The following PRKCH variants were observed in gnomAD, a reference collection of about 807,000 sequenced individuals.
The protein encoded by PRKCH is protein kinase C eta.
PRKCH carries 28 observed loss-of-function variants against 82.5 expected under a neutral mutation model. The observed-to-expected ratio is 0.34, with a 90% CI of 0.25 to 0.47. The LOEUF (loss-of-function observed/expected upper bound fraction) is 0.47, where lower values mean the gene tolerates loss of function less well. Among genes scored for constraint, PRKCH ranks in the 20% least tolerant of loss-of-function variants. The pLI is 1.00. For missense variants in PRKCH, 705 were observed against 881.8 expected, an observed-to-expected ratio of 0.80 and a Z score of 2.54; for synonymous variants, 322 against 327.4, an observed-to-expected ratio of 0.98 and a Z score of 0.18.
At chr14:61,473,439 C>T (rs933530963) in intron 9 of PRKCH, among the ~76,000 whole-genome samples, 11 of 152,134 alleles carry the variant, frequency 7.2e-5, no homozygotes, top group African/African-American at 7.2e-5. Flanking sequence ...ATGCTGGGCC[C>T]GTGATCTGGG....
chr14:61,375,492 T>A (rs1159729877), intron 1 of PRKCH, among the ~76,000 whole-genome samples: 1 of 152,012 alleles, frequency 6.6e-6, no homozygotes, highest in African/African-American at 2.4e-5. Flanking sequence ...TACGTGAGAC[T>A]GGGTAATTCA....
chr14:61,372,165 A>G (rs2046371386), intron 1 of PRKCH, among the ~76,000 whole-genome samples: 1 of 151,950 alleles, frequency 6.6e-6, no homozygotes, highest in Non-Finnish European at 1.5e-5. Flanking sequence ...TCTTTGCCCC[A>G]TCCCTAGAAT....
chr14:61,421,627 T>C (rs1882837205), intron 2 of PRKCH, among the ~76,000 whole-genome samples: 1 of 152,222 alleles, frequency 6.6e-6, no homozygotes, highest in Non-Finnish European at 1.5e-5. Context: ...CTAGCAGTAG[T>C]GTACTACTTG....
At chr14:61,324,104 G>T (rs898042600) in intron 1 of PRKCH, among the ~76,000 whole-genome samples, 4 of 152,150 alleles carry the variant, frequency 2.6e-5, no homozygotes, top group South Asian at 4.1e-4. Context: ...CCCATCATCC[G>T]TACTTTTAGG....
intron 1 of PRKCH, among the ~76,000 whole-genome samples, chr14:61,349,694 C>G (rs2046044964): frequency 6.6e-6 from 1 of 152,010 alleles, no homozygotes; most frequent in African/African-American, 2.4e-5. Flanking sequence ...AACCCTGTCT[C>G]TACTAAAAAT....
intron 1 of PRKCH, among the ~76,000 whole-genome samples, chr14:61,313,968 G>A (rs1443260733): frequency 6.6e-6 from 1 of 152,116 alleles, no homozygotes; most frequent in Non-Finnish European, 1.5e-5. Context: ...ATAGGCATGT[G>A]CCACCACGCC....
chr14:61,368,712 AATTTT>A (rs1292276930), intron 1 of PRKCH, among the ~76,000 whole-genome samples: 1 of 152,084 alleles, frequency 6.6e-6, no homozygotes, highest in Non-Finnish European at 1.5e-5. Flanking sequence ...TGTTTTTGCA[AATTTT>A]ATTTTATTTT....
intron 1 of PRKCH, among the ~76,000 whole-genome samples, chr14:61,339,379 A>G (rs1216818674): frequency 6.7e-6 from 1 of 148,562 alleles, no homozygotes; most frequent in Non-Finnish European, 1.5e-5. Flanking sequence ...GCTGGAGCGC[A>G]GTGGCGCAAT....
intron 1 of PRKCH, among the ~76,000 whole-genome samples, chr14:61,276,806 A>C (rs1049929085): frequency 2.0e-5 from 3 of 152,190 alleles, no homozygotes; most frequent in Admixed American, 6.5e-5. Flanking sequence ...ACTTAAAGTA[A>C]GGTAGAAAGG....
chr14:61,212,308 A>G (rs1432678682), intron 1 of PRKCH, among the ~76,000 whole-genome samples: 1 of 152,228 alleles, frequency 6.6e-6, no homozygotes, highest in Non-Finnish European at 1.5e-5. Context: ...GAATGGATGG[A>G]CTTTCCTGTT....
intron 1 of PRKCH, 88 bp downstream of exon 1, chr14:61,322,552 A>G (rs968191265): frequency 1.8e-5 from 27 of 1,489,060 alleles, no homozygotes; most frequent in African/African-American, 1.4e-4. Flanking sequence ...CCGCTTTCCC[A>G]TCGCTTTGTG....
chr14:61,252,759 T>A (rs2044957474), intron 1 of PRKCH, among the ~76,000 whole-genome samples: 2 of 152,268 alleles, frequency 1.3e-5, no homozygotes, highest in South Asian at 4.1e-4. Context: ...TGAAGCCTAC[T>A]GTTCAAACAC....
chr14:61,478,405 C>T (rs183135666), intron 9 of PRKCH, among the ~76,000 whole-genome samples: 1 of 152,212 alleles, frequency 6.6e-6, no homozygotes, highest in East Asian at 1.9e-4. Flanking sequence ...CACAAAATCT[C>T]CTCTTTATAT....
chr14:61,405,745 A>G (rs186924404), intron 2 of PRKCH, among the ~76,000 whole-genome samples: 281 of 152,306 alleles, frequency 1.8e-3, no homozygotes, highest in Non-Finnish European at 2.4e-3. Flanking sequence ...TGTTAGTGAT[A>G]GATCTCTACT....
intron 7 of PRKCH, among the ~76,000 whole-genome samples, chr14:61,456,072 GAT>G (rs1884752685): frequency 6.6e-6 from 1 of 152,204 alleles, no homozygotes; most frequent in Non-Finnish European, 1.5e-5. Context: ...ACTGAATAAT[GAT>G]AATGACAATA....
chr14:61,321,220 C>T (rs1334104458), upstream of PRKCH, among the ~76,000 whole-genome samples: 1 of 152,222 alleles, frequency 6.6e-6, no homozygotes, highest in Non-Finnish European at 1.5e-5. The surrounding 1 kb of genome is among the most constrained non-coding windows in gnomAD (Gnocchi z 4.1). Context: ...GGGTCACCAG[C>T]CCACCGGGGA....
intron 2 of PRKCH, among the ~76,000 whole-genome samples, chr14:61,410,875 AC>A (rs574618170): frequency 6.6e-6 from 1 of 152,094 alleles, no homozygotes. Context: ...CTAATTCCAA[AC>A]CGTGCGAATG....
intron 5 of PRKCH, among the ~76,000 whole-genome samples, chr14:61,449,978 A>G (rs577720544): frequency 3.4e-4 from 51 of 152,212 alleles, no homozygotes; most frequent in African/African-American, 1.1e-3. Context: ...CATCTGCAAT[A>G]GGCATACATT....
At chr14:61,354,912 G>A (rs779226957) in intron 1 of PRKCH, among the ~76,000 whole-genome samples, 1 of 152,146 alleles carries the variant, frequency 6.6e-6, no homozygotes, top group African/African-American at 2.4e-5. Flanking sequence ...CTCAGTACCT[G>A]GGACATTATG....
Sources: allele counts gnomAD v4.1 joint callset (sites outside exome capture counted in the v4.1 genomes callset), GRCh38; gene constraint gnomAD v4.1.1; non-coding constraint Gnocchi (gnomAD v3.1); transcripts MANE v1.5; gene names NCBI Gene and HGNC (gene_info 2026-07-23, HGNC 2026-07-21).